Variants in MPPED2 observed in about 807,000 individuals in gnomAD.
MPPED2 encodes metallophosphoesterase MPPED2.
A neutral mutation model predicts 33.0 loss-of-function variants in MPPED2; 5 were observed. That is an observed-to-expected ratio of 0.15 (90% CI 0.08 to 0.32). The LOEUF is 0.32. Among genes scored for constraint, MPPED2 ranks in the 10% least tolerant of loss-of-function variants. The probability of loss-of-function intolerance (pLI) is 1.00; values close to 1 mark genes in which losing one functional copy is unlikely to be tolerated. For missense variants in MPPED2, 275 were observed against 372.1 expected (o/e 0.74, Z 2.15); for synonymous variants, 136 against 141.9 (o/e 0.96, Z 0.29).
intron 4 of MPPED2, among the ~76,000 whole-genome samples, chr11:30,464,181 G>A (rs572680577): frequency 6.6e-6 from 1 of 151,552 alleles, no homozygotes; most frequent in Non-Finnish European, 1.5e-5. Flanking sequence ...GAGGTTATCA[G>A]ACTTGGATCT....
At chr11:30,422,875 C>T (rs1325096391) in intron 4 of MPPED2, among the ~76,000 whole-genome samples, 1 of 152,130 alleles carries the variant, frequency 6.6e-6, no homozygotes, top group Non-Finnish European at 1.5e-5. Context: ...CCTGAAGCCA[C>T]TGGACCAAAG....
chr11:30,585,284 G>A (rs889539070), intron 1 of MPPED2, among the ~76,000 whole-genome samples: 4 of 152,102 alleles, frequency 2.6e-5, no homozygotes, highest in Non-Finnish European at 5.9e-5. Context: ...TCGCCGGGTC[G>A]CTCCGCAGGC....
intron 4 of MPPED2, among the ~76,000 whole-genome samples, chr11:30,480,966 C>T (rs1447999818): frequency 6.6e-6 from 1 of 152,010 alleles, no homozygotes; most frequent in Non-Finnish European, 1.5e-5. Flanking sequence ...CAGAGTTTTC[C>T]CTACATAACA....
At chr11:30,406,852 A>T (rs1187007148), downstream of MPPED2, among the ~76,000 whole-genome samples, 1 of 152,208 alleles carries the variant, frequency 6.6e-6, no homozygotes, top group Non-Finnish European at 1.5e-5. Context: ...CCTTAAAAGT[A>T]GATCTTAATT....
At chr11:30,572,948 G>A (rs541301180) in intron 2 of MPPED2, among the ~76,000 whole-genome samples, 31 of 152,146 alleles carry the variant, frequency 2.0e-4, no homozygotes, top group Admixed American at 3.3e-4. Context: ...AGACCATTAC[G>A]TCTATTGGCT....
chr11:30,560,631 A>G (rs1276566014), intron 2 of MPPED2, among the ~76,000 whole-genome samples: 3 of 152,214 alleles, frequency 2.0e-5, no homozygotes, highest in Admixed American at 6.5e-5. Flanking sequence ...AATGAAAGCA[A>G]GCACCCTAAT....
intron 4 of MPPED2, among the ~76,000 whole-genome samples, chr11:30,443,350 G>T (rs938946950): frequency 3.3e-5 from 5 of 152,150 alleles, no homozygotes; most frequent in Non-Finnish European, 7.3e-5. Flanking sequence ...TTTCAGTGGA[G>T]GCACCTGGGG....
chr11:30,582,405 A>G (rs571698707), intron 1 of MPPED2, among the ~76,000 whole-genome samples: 1 of 152,348 alleles, frequency 6.6e-6, no homozygotes, highest in African/African-American at 2.4e-5. Context: ...AAATTACTTG[A>G]CAATTCTTAT....
At chr11:30,458,642 C>T (rs1219191162) in intron 4 of MPPED2, among the ~76,000 whole-genome samples, 1 of 152,202 alleles carries the variant, frequency 6.6e-6, no homozygotes, top group Non-Finnish European at 1.5e-5. Flanking sequence ...CAAACACCTA[C>T]AGCTTCAAAG....
intron 4 of MPPED2, among the ~76,000 whole-genome samples, chr11:30,461,569 A>G (rs1474240957): frequency 6.6e-6 from 1 of 152,178 alleles, no homozygotes; most frequent in Non-Finnish European, 1.5e-5. Context: ...CAACGTCTGC[A>G]TTAGGAAAAG....
intron 4 of MPPED2, among the ~76,000 whole-genome samples, chr11:30,443,280 G>T (rs936757711): frequency 6.6e-6 from 1 of 152,142 alleles, no homozygotes; most frequent in Non-Finnish European, 1.5e-5. Context: ...GTCAGGCATT[G>T]GACAGAATTC....
chr11:30,384,457 G>GTTCTTTT (rs1186186672), downstream of MPPED2: 2 of 147,018 alleles, frequency 1.4e-5, no homozygotes, highest in East Asian at 2.0e-4. Flanking sequence ...GGATACCCAA[G>GTTCTTTT]TTCTTTTTTC....
intron 2 of MPPED2, among the ~76,000 whole-genome samples, chr11:30,550,418 C>T (rs573847483): frequency 6.6e-6 from 1 of 152,224 alleles, no homozygotes; most frequent in African/African-American, 2.4e-5. Flanking sequence ...GCTTCCAGAG[C>T]CAAAGCCCGT....
chr11:30,467,636 A>T (rs1355605459), intron 4 of MPPED2, among the ~76,000 whole-genome samples: 2 of 152,166 alleles, frequency 1.3e-5, no homozygotes, highest in Non-Finnish European at 2.9e-5. Context: ...TACAAGTGCG[A>T]TCTAATTCTT....
At chr11:30,410,092 T>C (rs1054617233), downstream of MPPED2, 9 of 984,108 alleles carry the variant, frequency 9.1e-6, no homozygotes, top group Non-Finnish European at 1.1e-5. Flanking sequence ...AAAAATTTAT[T>C]GAAAATTAGG....
chr11:30,563,277 G>A (rs1039766718), intron 2 of MPPED2, among the ~76,000 whole-genome samples: 8 of 152,092 alleles, frequency 5.3e-5, no homozygotes, highest in African/African-American at 1.7e-4. Flanking sequence ...GAGGGGGTAC[G>A]TTTCAAGATG....
intron 3 of MPPED2, among the ~76,000 whole-genome samples, chr11:30,513,404 T>C (rs963470225): frequency 7.9e-5 from 12 of 152,236 alleles, no homozygotes; most frequent in Non-Finnish European, 1.6e-4. Context: ...ACCAGTGGGC[T>C]CAGATATCAA....
downstream of MPPED2, among the ~76,000 whole-genome samples, chr11:30,406,914 G>A (rs1947998760): frequency 6.6e-6 from 1 of 152,182 alleles, no homozygotes; most frequent in African/African-American, 2.4e-5. Flanking sequence ...TCAGGAAAGT[G>A]GGAATAGAGC....
intron 6 of MPPED2, among the ~76,000 whole-genome samples, chr11:30,390,584 G>T (rs1590147976): frequency 6.6e-6 from 1 of 152,258 alleles, no homozygotes; most frequent in African/African-American, 2.4e-5. Flanking sequence ...TCAACCAAGA[G>T]TGCACCCTTA....
Sources: allele counts gnomAD v4.1 joint callset (sites outside exome capture counted in the v4.1 genomes callset), GRCh38; gene constraint gnomAD v4.1.1; transcripts MANE v1.5; gene names NCBI Gene and HGNC (gene_info 2026-07-23, HGNC 2026-07-21).